NTM: variants seen among roughly 807,000 people sequenced by gnomAD.
NTM encodes IgLON family member 2.
Under a neutral mutation model 42.1 loss-of-function variants are expected in NTM, and 13 were observed. The observed-to-expected ratio is 0.31, with a 90% CI of 0.20 to 0.49. The LOEUF is 0.49. Ranked by LOEUF, NTM falls within the 20% of genes least tolerant of loss-of-function variation. The probability of loss-of-function intolerance (pLI) is 0.99; values close to 1 mark genes in which losing one functional copy is unlikely to be tolerated. For synonymous variants in NTM, 187 were observed against 179.2 expected (o/e 1.04, Z -0.35); for missense variants, 373 against 452.8 (o/e 0.82, Z 1.60).
intron 2 of NTM, among the ~76,000 whole-genome samples, chr11:132,017,456 C>G (rs979129555): frequency 6.6e-6 from 1 of 151,930 alleles, no homozygotes; most frequent in Admixed American, 6.6e-5. Context: ...GGATTCATGA[C>G]TCTTGATTTG....
At chr11:131,417,076 A>G (rs1947037476) in intron 1 of NTM, among the ~76,000 whole-genome samples, 1 of 152,208 alleles carries the variant, frequency 6.6e-6, no homozygotes, top group Non-Finnish European at 1.5e-5. Context: ...AATGAATTGT[A>G]TCATTTTTCT....
chr11:131,799,243 T>A (rs1278650708), intron 1 of NTM, among the ~76,000 whole-genome samples: 1 of 152,186 alleles, frequency 6.6e-6, no homozygotes, highest in Non-Finnish European at 1.5e-5. Context: ...ATATGATCCA[T>A]CCTTAGAGTG....
chr11:131,959,595 C>A lies in NTM; in HGVS notation c.167+47947C>A, dbSNP rs1454732225. Among the ~76,000 whole-genome samples the A allele has an allele frequency of 3.3e-5, 5 of 152,278 alleles. No individual in the cohort carries two copies. The East Asian group carries it at 7.7e-4, about 24-fold the overall frequency. On this transcript the variant is annotated intron_variant, in intron 2 of 8. Transcript: ENST00000683400. Reference sequence around the variant, plus strand: ...GGGCTGCAGTGAGTTGTGGTCACACCACTGCACTCCAGCCTGAGTGACAGA... The same window carrying A: ...GGGCTGCAGTGAGTTGTGGTCACACAACTGCACTCCAGCCTGAGTGACAGA...
intron 1 of NTM, among the ~76,000 whole-genome samples, chr11:131,555,134 G>A (rs558564988): frequency 9.2e-5 from 14 of 152,200 alleles, no homozygotes; most frequent in African/African-American, 3.4e-4. Context: ...TGCACTCCAG[G>A]CTGGGCAGTG....
chr11:131,860,302 G>C (rs2046501914), intron 1 of NTM, among the ~76,000 whole-genome samples: 1 of 152,160 alleles, frequency 6.6e-6, no homozygotes, highest in South Asian at 2.1e-4. Context: ...CCTGTGCCAT[G>C]GTGAGGACAC....
chr11:131,494,351 A>AAT (rs1466084431), intron 1 of NTM, among the ~76,000 whole-genome samples: 5 of 152,244 alleles, frequency 3.3e-5, no homozygotes, highest in African/African-American at 1.2e-4. Flanking sequence ...GGTAACACAC[A>AAT]ATAGAGTACG....
At chr11:131,613,283 C>G (rs578076434) in intron 1 of NTM, among the ~76,000 whole-genome samples, 8 of 152,290 alleles carry the variant, frequency 5.3e-5, no homozygotes, top group African/African-American at 1.9e-4. Flanking sequence ...ACCCATCCCA[C>G]TGACCAGGGA....
At chr11:132,019,790 ACTT>A (rs2074040756) in intron 2 of NTM, among the ~76,000 whole-genome samples, 1 of 151,730 alleles carries the variant, frequency 6.6e-6, no homozygotes, top group Non-Finnish European at 1.5e-5. Context: ...ATTGGATCTT[ACTT>A]TTTTTATCCA....
intron 1 of NTM, among the ~76,000 whole-genome samples, chr11:131,824,391 C>T (rs1174253669): frequency 1.3e-5 from 2 of 152,092 alleles, no homozygotes; most frequent in African/African-American, 2.4e-5. Flanking sequence ...ACATTAGGCT[C>T]AAAGAAGTAA....
At chr11:132,147,484 C>A (rs1591818533) in intron 3 of NTM, among the ~76,000 whole-genome samples, 1 of 152,162 alleles carries the variant, frequency 6.6e-6, no homozygotes. Flanking sequence ...TGTAAACGTA[C>A]TGACATAGAA....
chr11:131,791,063 G>A (rs1000144018), intron 1 of NTM, among the ~76,000 whole-genome samples: 2 of 152,162 alleles, frequency 1.3e-5, no homozygotes, highest in African/African-American at 4.8e-5. Context: ...GTTCAAAGTG[G>A]TTTAGTGCGG....
At chr11:132,213,854 C>A (rs1453592600) in intron 4 of NTM, among the ~76,000 whole-genome samples, 2 of 114,026 alleles carry the variant, frequency 1.8e-5, no homozygotes, top group African/African-American at 6.1e-5. Context: ...CCCGCCTCAG[C>A]CTCCCAAGTA....
At position 132,003,471 on chromosome 11, in the gene NTM, C is replaced by T. The variant is rs566728624; in HGVS notation, c.167+91823C>T. On this transcript the variant is annotated intron_variant, in intron 2 of 8. Coordinates refer to ENST00000683400, the MANE Select transcript of NTM (RefSeq NM_001352005.2). The surrounding 1 kb of genome is among the most constrained non-coding windows in gnomAD (Gnocchi z 6.0). ...ATATTTCCCAGGCTGCTCTTGAGTT[C>T]CTGGGCTCAAGCGATCCTTCTGGCT... is the stretch of plus-strand genomic sequence containing the variant. 1.3e-5 allele frequency among the ~76,000 whole-genome samples: 2 copies of T among 152,156 alleles called. No individual in the cohort carries two copies. The highest frequency in any genetic ancestry group is 4.2e-4 in the South Asian group (2 of 4,816).
intron 1 of NTM, among the ~76,000 whole-genome samples, chr11:131,851,443 C>T (rs1253062893): frequency 6.6e-6 from 1 of 152,084 alleles, no homozygotes; most frequent in African/African-American, 2.4e-5. Context: ...CATTTTCATT[C>T]ACCATGGATT....
At chr11:131,438,590 G>T (rs1013448647) in intron 1 of NTM, among the ~76,000 whole-genome samples, 10 of 152,222 alleles carry the variant, frequency 6.6e-5, no homozygotes, top group African/African-American at 2.4e-4. Context: ...TGAAGTTTGT[G>T]CATGTGTCAC....
At chr11:131,803,313 T>C (rs902722798) in intron 1 of NTM, among the ~76,000 whole-genome samples, 19 of 150,982 alleles carry the variant, frequency 1.3e-4, no homozygotes, top group African/African-American at 4.7e-4. Context: ...TTTTTTTTTT[T>C]CTTTCTTTTT....
At chr11:131,859,083 C>T (rs1272017317) in intron 1 of NTM, among the ~76,000 whole-genome samples, 1 of 152,130 alleles carries the variant, frequency 6.6e-6, no homozygotes, top group Non-Finnish European at 1.5e-5. Flanking sequence ...AACATCCATC[C>T]ATCCATCCAT....
rs539801845 is a variant in NTM at position 131,737,722 on chromosome 11, G to A, written c.83-173842G>A. 2.7e-3 allele frequency among the ~76,000 whole-genome samples: 414 copies of A among 151,986 alleles called. 3 individuals carry two copies. The highest frequency in any genetic ancestry group is 9.6e-3 in the African/African-American group (400 of 41,452). On this transcript the variant is annotated intron_variant, in intron 1 of 8. Coordinates refer to ENST00000683400, the MANE Select transcript of NTM (RefSeq NM_001352005.2). ...AACCTTGCCTCTGCAAATATCTTCC[G>A]CTTGGAATCCGACTCTTGATTTCTG... is the stretch of plus-strand genomic sequence containing the variant.
chr11:131,948,809 G>T (rs147306126), intron 2 of NTM, among the ~76,000 whole-genome samples: 1 of 152,274 alleles, frequency 6.6e-6, no homozygotes, highest in Non-Finnish European at 1.5e-5. Flanking sequence ...ATATTTTTAG[G>T]TTTGTAAAAC....
Sources: allele counts gnomAD v4.1 joint callset (sites outside exome capture counted in the v4.1 genomes callset), GRCh38; gene constraint gnomAD v4.1.1; non-coding constraint Gnocchi (gnomAD v3.1); transcripts MANE v1.5; gene names NCBI Gene and HGNC (gene_info 2026-07-23, HGNC 2026-07-21).